The following GALNT18 variants were observed in gnomAD, a reference collection of about 807,000 sequenced individuals.
GALNT18 encodes GalNAc-transferase 18.
GALNT18 carries 44 observed loss-of-function variants against 69.5 expected under a neutral mutation model. That is an observed-to-expected ratio of 0.63 (90% confidence interval 0.50 to 0.81). The LOEUF (loss-of-function observed/expected upper bound fraction) is 0.81. GALNT18 is among the 40% of genes least tolerant of loss of function. GALNT18 has a pLI of 0.00. For synonymous variants in GALNT18, 364 were observed against 318.2 expected, an observed-to-expected ratio of 1.14 and a Z score of -1.53; for missense variants, 715 against 810.0, an observed-to-expected ratio of 0.88 and a Z score of 1.42.
In GALNT18 at chr11:11,486,876, G is replaced by A. The variant is rs555874111; in HGVS notation, c.236-37940C>T. ...CAAAGCCCAAATGTAAAGGGAGATG[G>A]ATAAGAGCTGTGTATGTGAGGGAAG... On this transcript the variant is annotated intron_variant, in intron 1 of 10. Coordinates refer to ENST00000227756, the MANE Select transcript of GALNT18 (RefSeq NM_198516.3). 5.9e-5 allele frequency among the ~76,000 whole-genome samples: 9 copies of A among 152,356 alleles called. No individual in the cohort carries two copies. In the South Asian group the frequency reaches 1.4e-3, roughly 25 times the overall value.
In GALNT18 at chr11:11,439,455, A is replaced by G. The variant is rs1338153099; in HGVS notation, c.429-6668T>C. Among the ~76,000 whole-genome samples, 4 of 152,210 alleles carry G rather than the reference A, an allele frequency of 2.6e-5. No homozygotes were observed. Among genetic ancestry groups the G allele is most frequent in the Admixed American group, 2.6e-4 (4 of 15,280 alleles). On this transcript the variant is annotated intron_variant, in intron 2 of 10. Coordinates refer to ENST00000227756, the MANE Select transcript of GALNT18 (RefSeq NM_198516.3). The surrounding 1 kb of genome is among the most constrained non-coding windows in gnomAD (Gnocchi z 4.4). Reference sequence around the variant, plus strand: ...TGAGAACACGTACATAACCCAGTAGAGAAAGACCAATTCCCTTCCTGGGCT... The same window carrying G: ...TGAGAACACGTACATAACCCAGTAGGGAAAGACCAATTCCCTTCCTGGGCT...
intron 7 of GALNT18, among the ~76,000 whole-genome samples, chr11:11,333,861 G>A (rs550536012): frequency 2.0e-5 from 3 of 152,218 alleles, no homozygotes; most frequent in Admixed American, 2.0e-4. Flanking sequence ...GTTGAATGGG[G>A]CACAGAATTG....
At chr11:11,333,632 CT>C (rs1850057371) in intron 7 of GALNT18, among the ~76,000 whole-genome samples, 1 of 152,154 alleles carries the variant, frequency 6.6e-6, no homozygotes, top group South Asian at 2.1e-4. Context: ...AGCAGACTCT[CT>C]TTAAGCCTGG....
intron 1 of GALNT18, among the ~76,000 whole-genome samples, chr11:11,510,439 A>G (rs1857144166): frequency 6.6e-6 from 1 of 151,956 alleles, no homozygotes; most frequent in Admixed American, 6.6e-5. Flanking sequence ...TATTCAGGTC[A>G]CTTCTGCAAA....
intron 6 of GALNT18, among the ~76,000 whole-genome samples, chr11:11,371,523 A>G (rs187726914): frequency 6.6e-6 from 1 of 152,256 alleles, no homozygotes; most frequent in Non-Finnish European, 1.5e-5. Flanking sequence ...AGCATCTCAG[A>G]TAATCCCTAC....
At chr11:11,488,201 T>C (rs974629798) in intron 1 of GALNT18, among the ~76,000 whole-genome samples, 61 of 152,196 alleles carry the variant, frequency 4.0e-4, no homozygotes, top group African/African-American at 1.4e-3. Flanking sequence ...GTTAAAAATC[T>C]GCAATGGGTT....
At chr11:11,577,704 G>A (rs909764090) in intron 1 of GALNT18, among the ~76,000 whole-genome samples, 1 of 152,190 alleles carries the variant, frequency 6.6e-6, no homozygotes, top group African/African-American at 2.4e-5. Context: ...AGGAAAGAGG[G>A]AAGCTCTCAT....
chr11:11,363,218 A>G (rs147691172), intron 6 of GALNT18, among the ~76,000 whole-genome samples: 1 of 152,318 alleles, frequency 6.6e-6, no homozygotes, highest in East Asian at 1.9e-4. Flanking sequence ...TGTAGATTTG[A>G]CTTTGGACTG....
chr11:11,572,729 C>A (rs543677246), intron 1 of GALNT18, among the ~76,000 whole-genome samples: 1 of 152,168 alleles, frequency 6.6e-6, no homozygotes, highest in African/African-American at 2.4e-5. Flanking sequence ...AGATGGCCCT[C>A]GCAACCCTCG....
At chr11:11,464,037 C>G (rs1371619269) in intron 1 of GALNT18, among the ~76,000 whole-genome samples, 1 of 152,076 alleles carries the variant, frequency 6.6e-6, no homozygotes, top group African/African-American at 2.4e-5. Context: ...ACAAAATAAG[C>G]AAAGGTTTTG....
chr11:11,312,926 A>G (rs1849693619), intron 9 of GALNT18, among the ~76,000 whole-genome samples: 2 of 152,222 alleles, frequency 1.3e-5, no homozygotes, highest in African/African-American at 2.4e-5. Flanking sequence ...GGAGGAACTC[A>G]CCATCTAGTG....
chr11:11,593,197 C>A (rs1859402271), intron 1 of GALNT18, among the ~76,000 whole-genome samples: 1 of 152,220 alleles, frequency 6.6e-6, no homozygotes, highest in South Asian at 2.1e-4. Context: ...CTGTCCAATG[C>A]AGCTCCCTTT....
chr11:11,284,826 ATTAAGTCTTTTTTTGGTAGAG>A (rs2132991752), intron 10 of GALNT18, among the ~76,000 whole-genome samples: 1 of 40,596 alleles, frequency 2.5e-5, no homozygotes, highest in East Asian at 4.4e-4. Flanking sequence ...AAACCCTGAG[ATTAAGTCTTTTTTTGGTAGAG>A]TTAAGTGGTC....
intron 3 of GALNT18, among the ~76,000 whole-genome samples, chr11:11,405,885 T>C (rs555686179): frequency 2.0e-5 from 3 of 152,240 alleles, no homozygotes; most frequent in Non-Finnish European, 4.4e-5. Flanking sequence ...ATGTCTTTCT[T>C]GCTGCAGGCA....
intron 10 of GALNT18, among the ~76,000 whole-genome samples, chr11:11,290,795 C>A (rs531774363): frequency 6.6e-6 from 1 of 152,254 alleles, no homozygotes; most frequent in Non-Finnish European, 1.5e-5. Context: ...ACCCAGAGGC[C>A]CAGCAGGTCT....
chr11:11,521,667 C>G (rs1455092833), intron 1 of GALNT18, among the ~76,000 whole-genome samples: 1 of 151,986 alleles, frequency 6.6e-6, no homozygotes, highest in Non-Finnish European at 1.5e-5. Flanking sequence ...GGCGGGAGAA[C>G]AAAAATTGCT....
chr11:11,437,376 A>G (rs1247361623), intron 2 of GALNT18, among the ~76,000 whole-genome samples: 1 of 152,156 alleles, frequency 6.6e-6, no homozygotes, highest in Non-Finnish European at 1.5e-5. Flanking sequence ...TGGTTGTCTA[A>G]TAAGCCGGAA....
chr11:11,284,604 CTG>C (rs1219501929), intron 10 of GALNT18, among the ~76,000 whole-genome samples: 3 of 152,204 alleles, frequency 2.0e-5, no homozygotes, highest in African/African-American at 7.2e-5. Context: ...CACAAGGACG[CTG>C]TGTGTGTACT....
intron 6 of GALNT18, among the ~76,000 whole-genome samples, chr11:11,365,307 C>A (rs536718808): frequency 6.5e-4 from 99 of 152,290 alleles, no homozygotes; most frequent in African/African-American, 2.3e-3. Flanking sequence ...TCATCCATGT[C>A]CCCACAAAGG....
Sources: allele counts gnomAD v4.1 joint callset (sites outside exome capture counted in the v4.1 genomes callset), GRCh38; gene constraint gnomAD v4.1.1; non-coding constraint Gnocchi (gnomAD v3.1); transcripts MANE v1.5; gene names NCBI Gene and HGNC (gene_info 2026-07-23, HGNC 2026-07-21).